The following AKAP10 variants were observed in gnomAD, a reference collection of about 807,000 sequenced individuals.
AKAP10 encodes A-kinase anchor protein 10, mitochondrial.
AKAP10 carries 24 observed loss-of-function variants against 80.8 expected under a neutral mutation model. The ratio of observed to expected loss-of-function variants is 0.30; its 90% confidence interval spans 0.22 to 0.42. AKAP10 has a LOEUF of 0.42. Ranked by LOEUF, AKAP10 falls within the 10% of genes least tolerant of loss-of-function variation. The pLI is 1.00. For missense variants in AKAP10, 661 were observed against 794.9 expected (o/e 0.83, Z 2.03); for synonymous variants, 291 against 277.7 (o/e 1.05, Z -0.48).
intron 8 of AKAP10, among the ~76,000 whole-genome samples, chr17:19,939,097 GC>G (rs773505575): frequency 6.6e-6 from 1 of 152,226 alleles, no homozygotes; most frequent in Non-Finnish European, 1.5e-5. Context: ...TACAGAGCTG[GC>G]CACAAGCTCA....
At chr17:19,967,597 T>C (rs982734298) in intron 2 of AKAP10, among the ~76,000 whole-genome samples, 1 of 152,234 alleles carries the variant, frequency 6.6e-6, no homozygotes, top group Admixed American at 6.5e-5. Flanking sequence ...AAAAGCCTAC[T>C]TATGGCCAGG....
At chr17:19,959,978 C>T (rs7209550) in intron 3 of AKAP10, among the ~76,000 whole-genome samples, 116 of 152,226 alleles carry the variant, frequency 7.6e-4, no homozygotes, top group African/African-American at 2.6e-3. Flanking sequence ...CAGGCATGGT[C>T]GCTCACGCCT....
chr17:19,957,260 G>C (rs1048278617), intron 4 of AKAP10, among the ~76,000 whole-genome samples: 1 of 151,734 alleles, frequency 6.6e-6, no homozygotes, highest in Non-Finnish European at 1.5e-5. Context: ...AAGATAATCA[G>C]TCCGGGCGCG....
At chr17:19,931,700 T>C in intron 10 of AKAP10, 105 bp downstream of exon 10, 1 of 1,365,172 alleles carries the variant, frequency 7.3e-7, no homozygotes. Context: ...TTTTATCTTT[T>C]TTTTCCACAA....
At position 19,951,064 on chromosome 17, in the gene AKAP10, TCCG is replaced by T. The variant is rs2043199995; in HGVS notation, c.878-3562_878-3560del. ...CCCCGTCTGAGAAGTGAGGAGCCCC[TCCG>T]CCCGGCAGCCGCCCGGTCTGCGAAG... On this transcript the variant is annotated intron_variant, in intron 4 of 14. Coordinates refer to ENST00000225737, the MANE Select transcript of AKAP10 (RefSeq NM_007202.4). 3.3e-5 allele frequency among the ~76,000 whole-genome samples: 5 copies of T among 150,848 alleles called. No homozygotes were observed. The South Asian group carries it at 1.0e-3, about 32-fold the overall frequency.
intron 9 of AKAP10, among the ~76,000 whole-genome samples, chr17:19,935,327 A>T (rs1411844303): frequency 6.6e-6 from 1 of 152,206 alleles, no homozygotes; most frequent in African/African-American, 2.4e-5. Flanking sequence ...TGGAGCTTGC[A>T]AGACTGGAAG....
rs192033122 is a variant in AKAP10 at position 19,905,801 on chromosome 17, C to T, written c.*426G>A. The T allele has an allele frequency of 1.5e-3, 244 of 157,652 alleles. 8 individuals are homozygous for T. The East Asian group carries it at 0.034, about 22-fold the overall frequency. 9.8% of individuals were successfully genotyped at this position (157,652 alleles called of 1,614,324 possible). On this transcript the variant is annotated 3_prime_UTR_variant, in exon 15 of 15. Transcript: ENST00000225737. The stretch of plus-strand genomic sequence containing the variant: ...ACTCACCTGCTTTGGAAGGACAAAG[C>T]AAACCACCTCTGGCACCTGCTTTAC...
At chr17:19,969,308 GT>G (rs1409176005) in intron 1 of AKAP10, among the ~76,000 whole-genome samples, 1 of 152,140 alleles carries the variant, frequency 6.6e-6, no homozygotes, top group East Asian at 1.9e-4. Flanking sequence ...TCGCGACACT[GT>G]ACTCCAGCCT....
chr17:19,940,693 A>C (rs1381716203), intron 7 of AKAP10, among the ~76,000 whole-genome samples, 194 bp downstream of exon 7: 1 of 152,244 alleles, frequency 6.6e-6, no homozygotes, highest in Non-Finnish European at 1.5e-5. Context: ...AGAGTTATTT[A>C]ATACATTGAA....
intron 9 of AKAP10, among the ~76,000 whole-genome samples, chr17:19,933,910 TTTTA>T (rs1403931215): frequency 2.6e-5 from 4 of 152,108 alleles, no homozygotes; most frequent in Admixed American, 1.3e-4. Flanking sequence ...AATACTTTAC[TTTTA>T]TTTATTTATT....
chr17:19,944,596 C>A (rs1055170201), intron 5 of AKAP10, among the ~76,000 whole-genome samples: 22 of 152,018 alleles, frequency 1.4e-4, no homozygotes, highest in Non-Finnish European at 3.1e-4. Context: ...CGGAGGTTGC[C>A]GTGAGCCAAG....
chr17:19,933,064 G>C (rs953506101), intron 9 of AKAP10, among the ~76,000 whole-genome samples: 2 of 152,110 alleles, frequency 1.3e-5, no homozygotes, highest in African/African-American at 4.8e-5. Context: ...TGTCCCCCGG[G>C]CTGGAATGCA....
chr17:19,907,513 G>A (rs1285138570), intron 14 of AKAP10, among the ~76,000 whole-genome samples: 1 of 151,010 alleles, frequency 6.6e-6, no homozygotes, highest in Non-Finnish European at 1.5e-5. Context: ...CACCTCCCGG[G>A]TTCAAGTGAT....
chr17:19,923,295 C>T (rs2042838428), intron 11 of AKAP10, among the ~76,000 whole-genome samples: 1 of 151,930 alleles, frequency 6.6e-6, no homozygotes, highest in East Asian at 2.0e-4. Flanking sequence ...CCAGGCTGGT[C>T]TCGAACTCCT....
chr17:19,906,691 T>G (rs893495577), intron 14 of AKAP10, among the ~76,000 whole-genome samples: 9 of 152,332 alleles, frequency 5.9e-5, no homozygotes, highest in African/African-American at 2.2e-4. Context: ...ATGGGACATG[T>G]GCACATGAAG....
intron 5 of AKAP10, among the ~76,000 whole-genome samples, chr17:19,942,502 T>G (rs976232290): frequency 6.6e-6 from 1 of 152,200 alleles, no homozygotes; most frequent in African/African-American, 2.4e-5. Context: ...TGAAGGCAAT[T>G]TGGCAGTTTC....
intron 9 of AKAP10, 172 bp downstream of exon 9, chr17:19,936,114 T>A: frequency 1.8e-6 from 1 of 564,724 alleles, no homozygotes; most frequent in East Asian, 3.0e-5. Flanking sequence ...TAAAATGTTA[T>A]GTGGCACGTG....
intron 3 of AKAP10, among the ~76,000 whole-genome samples, chr17:19,959,060 T>A (rs1369667759): frequency 6.6e-6 from 1 of 151,836 alleles, no homozygotes; most frequent in Non-Finnish European, 1.5e-5. Flanking sequence ...ACCATGTTGG[T>A]CAGGATGGTC....
intron 8 of AKAP10, among the ~76,000 whole-genome samples, chr17:19,936,672 C>T (rs1363478458): frequency 6.6e-6 from 1 of 152,156 alleles, no homozygotes; most frequent in Non-Finnish European, 1.5e-5. Flanking sequence ...TGACGGTGAA[C>T]TCTACTGTTG....
Sources: gnomAD v4.1 joint callset for allele counts (sites outside exome capture counted in the v4.1 genomes callset) on GRCh38, gnomAD v4.1.1 for gene constraint, MANE v1.5 for transcripts, NCBI Gene and HGNC (gene_info 2026-07-23, HGNC 2026-07-21) for gene names.